Variants in ST18 observed in about 807,000 individuals in gnomAD.
The protein encoded by ST18 is suppression of tumorigenicity 18 protein.
ST18 carries 50 observed loss-of-function variants against 110.0 expected under a neutral mutation model. The ratio of observed to expected loss-of-function variants is 0.45; its 90% CI spans 0.36 to 0.58. The LOEUF (loss-of-function observed/expected upper bound fraction) is 0.58. Among genes scored for constraint, ST18 ranks in the 20% least tolerant of loss-of-function variants. The pLI is 0.00. For synonymous variants in ST18, 461 were observed against 452.4 expected (o/e 1.02, Z -0.24); for missense variants, 1,306 against 1,280.1 (o/e 1.02, Z -0.31).
intron 8 of ST18, among the ~76,000 whole-genome samples, chr8:52,200,662 G>C (rs1390268400): frequency 6.6e-6 from 1 of 152,196 alleles, no homozygotes; most frequent in Non-Finnish European, 1.5e-5. Context: ...AGTGATTGGA[G>C]TGAGCCGCGA....
intron 15 of ST18, among the ~76,000 whole-genome samples, chr8:52,157,794 C>A (rs961049485): frequency 6.6e-6 from 1 of 152,234 alleles, no homozygotes; most frequent in African/African-American, 2.4e-5. Context: ...TCAGTGGCAC[C>A]GTGTTACCTG....
At chr8:52,115,690 C>T (rs905296494) in intron 25 of ST18, among the ~76,000 whole-genome samples, 1 of 152,162 alleles carries the variant, frequency 6.6e-6, no homozygotes, top group Non-Finnish European at 1.5e-5. Flanking sequence ...CCTAAGGACA[C>T]ATTTCTTAGA....
intron 9 of ST18, among the ~76,000 whole-genome samples, chr8:52,177,540 G>T (rs912260855): frequency 1.3e-5 from 2 of 152,092 alleles, no homozygotes; most frequent in African/African-American, 2.4e-5. Flanking sequence ...CCTAGGGGGT[G>T]GGGGGTAACT....
chr8:52,144,008 C>G lies in ST18; in HGVS notation c.2053-963G>C, dbSNP rs373507636. On this transcript the variant is annotated intron_variant, in intron 16 of 25. Transcript: ENST00000689386. ...ATGGGTATCTTGTAGCACTTTCACT[C>G]CTGGATGGAATTTCTTGTTGGATAT... Among the ~76,000 whole-genome samples the G allele has an allele frequency of 1.6e-4, 24 of 152,188 alleles. No individual in the cohort carries two copies. In the East Asian group the frequency reaches 3.1e-3, roughly 20 times the overall value.
At chr8:52,229,411 T>C (rs577405646) in intron 3 of ST18, among the ~76,000 whole-genome samples, 1 of 152,212 alleles carries the variant, frequency 6.6e-6, no homozygotes, top group Non-Finnish European at 1.5e-5. Context: ...TTCCTTGCTG[T>C]CATAGGACTG....
At chr8:52,408,445 C>T (rs1323188019) in intron 2 of ST18, among the ~76,000 whole-genome samples, 2 of 152,252 alleles carry the variant, frequency 1.3e-5, no homozygotes, top group Non-Finnish European at 2.9e-5. Context: ...GTTACAAGTG[C>T]TTTCCTTAAC....
chr8:52,388,763 A>G (rs1837921830), intron 2 of ST18, among the ~76,000 whole-genome samples: 1 of 141,582 alleles, frequency 7.1e-6, no homozygotes, highest in African/African-American at 2.6e-5. Flanking sequence ...AGGATAAAGA[A>G]CAAGCAACAC....
At chr8:52,307,885 A>G (rs1193251551) in intron 2 of ST18, among the ~76,000 whole-genome samples, 2 of 152,202 alleles carry the variant, frequency 1.3e-5, no homozygotes, top group African/African-American at 4.8e-5. Context: ...ATATACTGAT[A>G]TTTTGCTTGG....
At chr8:52,157,656 T>G (rs1169455856) in intron 15 of ST18, among the ~76,000 whole-genome samples, 1 of 152,250 alleles carries the variant, frequency 6.6e-6, no homozygotes, top group African/African-American at 2.4e-5. Flanking sequence ...AGAGGATGTA[T>G]TTCTCTTTGT....
intron 6 of ST18, among the ~76,000 whole-genome samples, chr8:52,215,957 C>A (rs994203012): frequency 7.9e-5 from 12 of 152,138 alleles, no homozygotes; most frequent in African/African-American, 2.9e-4. Context: ...TGATGAAAAC[C>A]AACACATATT....
intron 24 of ST18, 122 bp downstream of exon 24, chr8:52,118,216 A>C (rs1198899976): frequency 1.1e-5 from 7 of 608,920 alleles, no homozygotes; most frequent in Admixed American, 1.0e-4. Context: ...GGAATCTAGA[A>C]ACACTCAGCA....
At chr8:52,150,429 C>T (rs747457000) in intron 15 of ST18, among the ~76,000 whole-genome samples, 5 of 152,290 alleles carry the variant, frequency 3.3e-5, no homozygotes, top group Middle Eastern at 3.4e-3. Flanking sequence ...AACTTTCCAA[C>T]CCTTCAAATC....
chr8:52,130,235 GTTA>G (rs1292865718), intron 22 of ST18, among the ~76,000 whole-genome samples: 1 of 152,114 alleles, frequency 6.6e-6, no homozygotes, highest in Non-Finnish European at 1.5e-5. Context: ...TTTTCTTTTT[GTTA>G]TTATGAAATA....
intron 2 of ST18, among the ~76,000 whole-genome samples, chr8:52,351,883 G>A (rs1167860913): frequency 6.6e-6 from 1 of 152,152 alleles, no homozygotes; most frequent in Admixed American, 6.5e-5. Context: ...ATAACTTCAT[G>A]TTATGCAGTC....
chr8:52,266,699 G>A (rs1419667948), intron 2 of ST18, among the ~76,000 whole-genome samples: 2 of 151,934 alleles, frequency 1.3e-5, no homozygotes, highest in African/African-American at 4.8e-5. Flanking sequence ...GTGCCACCAT[G>A]CCTGGTTAAT....
chr8:52,405,692 T>G (rs1844231514), intron 2 of ST18: 1 of 152,198 alleles, frequency 6.6e-6, no homozygotes. Context: ...TATTATACAC[T>G]TTCACATATC....
chr8:52,402,880 A>G (rs1843220427), intron 2 of ST18, among the ~76,000 whole-genome samples: 1 of 152,184 alleles, frequency 6.6e-6, no homozygotes, highest in Non-Finnish European at 1.5e-5. Flanking sequence ...TCTGGGGGCC[A>G]GTATACCACA....
intron 5 of ST18, among the ~76,000 whole-genome samples, chr8:52,218,212 CCT>C (rs918163511): frequency 5.3e-5 from 8 of 151,640 alleles, no homozygotes; most frequent in Non-Finnish European, 4.4e-5. Flanking sequence ...TTATAATATA[CCT>C]CTCTCTCTAT....
intron 9 of ST18, 63 bp downstream of exon 9, chr8:52,180,059 T>G: frequency 6.6e-7 from 1 of 1,525,520 alleles, no homozygotes; most frequent in Non-Finnish European, 9.0e-7. Context: ...ACACTCTACA[T>G]GAATTAGCAC....
Sources: allele counts gnomAD v4.1 joint callset (sites outside exome capture counted in the v4.1 genomes callset), GRCh38; gene constraint gnomAD v4.1.1; transcripts MANE v1.5; gene names NCBI Gene and HGNC (gene_info 2026-07-23, HGNC 2026-07-21).